Variants in TRMT2B observed in about 807,000 individuals in gnomAD.
TRMT2B encodes tRNA (uracil-5-)-methyltransferase homolog B.
TRMT2B carries 34 observed loss-of-function variants against 39.7 expected under a neutral mutation model. That is an observed-to-expected ratio of 0.86 (90% CI 0.65 to 1.14). TRMT2B has a LOEUF of 1.14. Among genes scored for constraint, TRMT2B ranks in the 50% most tolerant of loss-of-function variants. The pLI is 0.00. For missense variants in TRMT2B, 318 were observed against 377.2 expected (o/e 0.84, Z 1.30); for synonymous variants, 132 against 137.3 (o/e 0.96, Z 0.27).
At chrX:100,976,598 T>C in the TRMT2B span, among the ~76,000 whole-genome samples, 1 of 112,090 alleles carries the variant, frequency 8.9e-6, no homozygotes, top group Non-Finnish European at 1.9e-5. Context: ...CAAATGTTTT[T>C]GTTGTTGTTG....
the TRMT2B span, among the ~76,000 whole-genome samples, chrX:100,978,579 T>C: frequency 9.0e-6 from 1 of 111,252 alleles, no homozygotes; most frequent in African/African-American, 3.3e-5. Context: ...AGTCTATATG[T>C]GTCTTTATAG....
intron 7 of TRMT2B, among the ~76,000 whole-genome samples, chrX:101,034,291 G>A (rs181161265): frequency 3.7e-5 from 4 of 108,374 alleles, no homozygotes; most frequent in East Asian, 2.9e-4. Flanking sequence ...ATAGGCGTGC[G>A]CCACTACGCT....
chrX:100,973,576 C>A, the TRMT2B span: 1 of 955,592 alleles, frequency 1.0e-6, no homozygotes, highest in Non-Finnish European at 1.5e-6. Context: ...CAATCCCAGG[C>A]TTTCTGTTTA....
intron 2 of TRMT2B, among the ~76,000 whole-genome samples, chrX:101,046,316 G>A (rs930735282): frequency 9.0e-6 from 1 of 111,491 alleles, no homozygotes; most frequent in Non-Finnish European, 1.9e-5. Flanking sequence ...GAGCCTGGAG[G>A]CCTGGAGGCC....
At chrX:100,994,693 A>G in the TRMT2B span, among the ~76,000 whole-genome samples, 2 of 112,041 alleles carry the variant, frequency 1.8e-5, no homozygotes, top group Non-Finnish European at 3.8e-5. Context: ...GGGTTGGAGC[A>G]TGGAAACCAG....
At chrX:101,019,996 C>G (rs5921708) in intron 11 of TRMT2B, among the ~76,000 whole-genome samples, 53,058 of 110,057 alleles carry the variant, frequency 0.48, 10,809 homozygotes, top group African/African-American at 0.76. Context: ...TTGACTTTTG[C>G]TCAAGTGCTC....
At position 101,051,397 on chromosome X, in the gene TRMT2B, T is replaced by C; in HGVS notation, c.-170A>G. 1 of 754,651 alleles carries C rather than the reference T, an allele frequency of 1.3e-6. No individual in the cohort carries two copies. The allele number at this position is 754,651 out of a possible 1,213,427, so 62.2% of individuals were successfully genotyped here. ...CCAAACAAGCAAATGGGTTGACTGC[T>C]GTGTCGTGTCCCGAATGCAGCCCAC... On this transcript the variant is annotated 5_prime_UTR_variant, in exon 2 of 14. Coordinates refer to ENST00000372936, the MANE Select transcript of TRMT2B (RefSeq NM_024917.6).
the TRMT2B span, among the ~76,000 whole-genome samples, chrX:100,979,489 A>G: frequency 1.8e-5 from 2 of 112,232 alleles, no homozygotes; most frequent in Admixed American, 1.9e-4. Context: ...CTTATCTGAT[A>G]AATTCTGAAT....
chrX:100,979,699 T>C, the TRMT2B span, among the ~76,000 whole-genome samples: 16 of 111,528 alleles, frequency 1.4e-4, no homozygotes, highest in East Asian at 3.7e-3. Flanking sequence ...AAGAGTTAGG[T>C]ATTTATGCAG....
chrX:101,018,816 T>C (rs1392183101), intron 13 of TRMT2B, among the ~76,000 whole-genome samples, 155 bp downstream of exon 13: 2 of 112,210 alleles, frequency 1.8e-5, no homozygotes, highest in African/African-American at 6.5e-5. Context: ...GACCCAGCCC[T>C]GTAATTGAGT....
chrX:101,039,129 C>T (rs1355584584), intron 4 of TRMT2B, among the ~76,000 whole-genome samples: 4 of 110,139 alleles, frequency 3.6e-5, no homozygotes, highest in East Asian at 2.8e-4. Context: ...AGTGCAGTGG[C>T]GAGATCTCTG....
intron 7 of TRMT2B, among the ~76,000 whole-genome samples, chrX:101,027,080 G>A (rs1361377710): frequency 1.8e-5 from 2 of 111,075 alleles, no homozygotes; most frequent in Non-Finnish European, 3.8e-5. Flanking sequence ...TACACATTAA[G>A]GTCACCCCCA....
intron 2 of TRMT2B, among the ~76,000 whole-genome samples, chrX:101,048,479 G>A (rs975470013): frequency 5.5e-5 from 6 of 109,718 alleles, no homozygotes; most frequent in African/African-American, 2.0e-4. Context: ...TTACTTTGTC[G>A]CCCAGGCTGG....
the TRMT2B span, chrX:100,988,196 C>T: frequency 8.3e-7 from 1 of 1,205,880 alleles, no homozygotes; most frequent in Non-Finnish European, 1.1e-6. Context: ...CCACCAGCTT[C>T]TCCACCAGAA....
intron 2 of TRMT2B, among the ~76,000 whole-genome samples, chrX:101,049,949 G>A (rs2088956656): frequency 8.9e-6 from 1 of 112,139 alleles, no homozygotes; most frequent in African/African-American, 3.2e-5. Flanking sequence ...GGGGAAGGGA[G>A]TAGAGCTGAT....
At chrX:101,041,935 C>T in intron 3 of TRMT2B, 107 bp downstream of exon 3, 4 of 1,009,427 alleles carry the variant, frequency 4.0e-6, no homozygotes, top group Non-Finnish European at 5.4e-6. Context: ...CTCAGGTGGC[C>T]CCTCAAATCC....
chrX:101,043,930 A>G lies in TRMT2B; in HGVS notation c.-23-1618T>C, dbSNP rs2088416873. Among the ~76,000 whole-genome samples, 3 of 112,350 alleles carry G rather than the reference A, an allele frequency of 2.7e-5. No individual in the cohort carries two copies. In the Admixed American group the frequency reaches 2.9e-4, roughly 11 times the overall value. ...GGAGGCTTTATGTAGAGAATTAAAA[A>G]TGAAATAAGGAGGCTGATAAAAAGC... On this transcript the variant is annotated intron_variant, in intron 2 of 13. Transcript: ENST00000372936.
In TRMT2B at chrX:101,051,724, A is replaced by T; in HGVS notation, c.-497T>A. On this transcript the variant is annotated 5_prime_UTR_variant, in exon 2 of 14. Coordinates refer to ENST00000372936, the MANE Select transcript of TRMT2B (RefSeq NM_024917.6). The stretch of plus-strand genomic sequence containing the variant: ...CGCCCCGCGGACAGTTTGGCATAGT[A>T]GGGAGTTTTCTGTAAAGCAAGGGTT... 1 of 752,889 alleles carries T rather than the reference A, an allele frequency of 1.3e-6. No homozygotes were observed. The highest frequency in any genetic ancestry group is 1.6e-6 in the Non-Finnish European group (1 of 637,625). The allele number at this position is 752,889 out of a possible 1,213,427, so 62.0% of individuals were successfully genotyped here. A position where few individuals can be genotyped will look rare whatever the true frequency, so the allele number is the denominator to read the frequency against.
At chrX:100,994,253 G>C in the TRMT2B span, among the ~76,000 whole-genome samples, 1 of 112,061 alleles carries the variant, frequency 8.9e-6, no homozygotes, top group African/African-American at 3.2e-5. Context: ...GAAATGGATA[G>C]TTTCTTGAGC....
Sources: allele counts gnomAD v4.1 joint callset (sites outside exome capture counted in the v4.1 genomes callset), GRCh38; gene constraint gnomAD v4.1.1; transcripts MANE v1.5; gene names NCBI Gene and HGNC (gene_info 2026-07-23, HGNC 2026-07-21).